Variants in IL2RB observed in about 807,000 individuals in gnomAD.
IL2RB encodes interleukin 2 receptor subunit beta, also known as interleukin-2 receptor subunit beta.
A neutral mutation model predicts 44.2 loss-of-function variants in IL2RB; 17 were observed. The ratio of observed to expected loss-of-function variants is 0.38; its 90% CI spans 0.26 to 0.58. The LOEUF is 0.58. IL2RB is among the 20% of genes least tolerant of loss of function. The pLI is 0.63. For missense variants in IL2RB, 624 were observed against 685.5 expected, an observed-to-expected ratio of 0.91 and a Z score of 1.00; for synonymous variants, 286 against 297.9, an observed-to-expected ratio of 0.96 and a Z score of 0.41.
intron 1 of IL2RB, among the ~76,000 whole-genome samples, chr22:37,162,186 C>T (rs569113902): frequency 1.3e-5 from 2 of 152,276 alleles, no homozygotes; most frequent in South Asian, 2.1e-4. Flanking sequence ...TGATGGCGAT[C>T]GAGTGAGAGG....
chr22:37,155,789 A>G (rs562865771), intron 1 of IL2RB, among the ~76,000 whole-genome samples: 2 of 151,992 alleles, frequency 1.3e-5, no homozygotes, highest in African/African-American at 2.4e-5. Flanking sequence ...CCTTGCTCCT[A>G]TAACTACTTC....
At chr22:37,160,480 G>C (rs930461048) in intron 1 of IL2RB, among the ~76,000 whole-genome samples, 1 of 152,194 alleles carries the variant, frequency 6.6e-6, no homozygotes, top group Non-Finnish European at 1.5e-5. Context: ...GTGGACAGGT[G>C]GGGACCATGG....
chr22:37,137,451 C>T, intron 6 of IL2RB, 136 bp downstream of exon 6: 1 of 849,754 alleles, frequency 1.2e-6, no homozygotes, highest in Non-Finnish European at 1.9e-6. Context: ...CCAGGCAGTG[C>T]AGAAAGAGCA....
Position 37,128,803 on chromosome 22 carries a change from C to T in IL2RB, c.949G>A (p.Gly317Ser), listed in dbSNP as rs143857582. Residue 317 changes from glycine to serine, a missense_variant, in exon 10 of 10, where the codon GGC becomes AGC. Coordinates refer to ENST00000216223, the MANE Select transcript of IL2RB (RefSeq NM_000878.5). The surrounding 1 kb of genome is among the most constrained non-coding windows in gnomAD (Gnocchi z 4.5). ...AGTGGCGAGATCTCAGGTGCCAGGC[C>T]GCCAGGGCTGAAGGACGATGAGGGG... ...PFPSSSFSPG[G>S]LAPEISPLEV... 1.6e-3 allele frequency: 2,620 copies of T among 1,612,564 alleles called. 3 individuals carry two copies. The highest frequency in any genetic ancestry group is 2.1e-3 in the Non-Finnish European group (2,430 of 1,178,736).
At chr22:37,167,595 G>A (rs1003759216) in intron 1 of IL2RB, among the ~76,000 whole-genome samples, 2 of 152,096 alleles carry the variant, frequency 1.3e-5, no homozygotes, top group South Asian at 2.1e-4. Flanking sequence ...CCCTGCCCAC[G>A]TTCTCTCTGC....
intron 6 of IL2RB, 75 bp from the exon 7 acceptor site, chr22:37,136,468 C>CA (rs897691398): frequency 2.4e-5 from 35 of 1,431,128 alleles, no homozygotes; most frequent in Non-Finnish European, 3.3e-5. Context: ...ATCACAGAAC[C>CA]CCCCCCCAAC....
intron 1 of IL2RB, among the ~76,000 whole-genome samples, chr22:37,148,765 C>T (rs1445553877): frequency 6.6e-6 from 1 of 152,140 alleles, no homozygotes; most frequent in Non-Finnish European, 1.5e-5. Flanking sequence ...CAACCTCTCA[C>T]CCAGGCGAGA....
At chr22:37,136,685 G>A (rs895609889) in intron 6 of IL2RB, among the ~76,000 whole-genome samples, 2 of 151,724 alleles carry the variant, frequency 1.3e-5, no homozygotes, top group Admixed American at 6.6e-5. Flanking sequence ...CTGAGCTGCC[G>A]CCCTCTCCCA....
chr22:37,159,541 T>C (rs189617398), intron 1 of IL2RB, among the ~76,000 whole-genome samples: 6 of 152,076 alleles, frequency 3.9e-5, no homozygotes, highest in Non-Finnish European at 8.8e-5. Flanking sequence ...CTACAACATA[T>C]ATAGAGAGAA....
At chr22:37,174,478 T>C (rs974526309) in intron 1 of IL2RB, among the ~76,000 whole-genome samples, 4 of 152,114 alleles carry the variant, frequency 2.6e-5, no homozygotes, top group African/African-American at 9.7e-5. Flanking sequence ...AGCACCACGC[T>C]CAGATCAGGC....
chr22:37,167,791 G>A (rs182555707), intron 1 of IL2RB, among the ~76,000 whole-genome samples: 51 of 152,372 alleles, frequency 3.3e-4, no homozygotes, highest in African/African-American at 1.2e-3. Flanking sequence ...GGCCACAGGT[G>A]AAGTGCATGG....
chr22:37,152,045 T>C (rs529789838), upstream of IL2RB, among the ~76,000 whole-genome samples: 7 of 152,352 alleles, frequency 4.6e-5, no homozygotes, highest in African/African-American at 1.7e-4. Flanking sequence ...TGGCTTTGGC[T>C]ACTCTGCATC....
chr22:37,146,381 C>G (rs192615755), intron 1 of IL2RB, among the ~76,000 whole-genome samples: 1 of 152,138 alleles, frequency 6.6e-6, no homozygotes, highest in Non-Finnish European at 1.5e-5. Context: ...GTCAGCCCAC[C>G]CTTCCAGACC....
chr22:37,139,136 G>T lies in IL2RB; in HGVS notation c.369C>A (p.Asp123Glu), dbSNP rs770365586. Residue 123 changes from aspartate to glutamate, a missense_variant, in exon 5 of 10, where the codon GAC becomes GAA. By Grantham distance (45) the Asp-to-Glu change is conservative. Transcript: ENST00000216223. The stretch of plus-strand genomic sequence containing the variant: ...ACTCACGGTTCTCAAAGGGCTTGAA[G>T]TCCTGGATGGCCATCACCCTCCATC... ...GVRWRVMAIQ[D>E]FKPFENLRLM... 2.5e-6 allele frequency: 4 copies of T among 1,612,892 alleles called. No individual in the cohort carries two copies. The highest frequency in any genetic ancestry group is 2.2e-5 in the East Asian group (1 of 44,882).
intron 1 of IL2RB, among the ~76,000 whole-genome samples, chr22:37,166,482 G>A (rs965538801): frequency 5.9e-5 from 9 of 152,176 alleles, no homozygotes; most frequent in South Asian, 2.1e-4. Flanking sequence ...CCGTTCCCGC[G>A]GTGGAGGGAG....
chr22:37,146,890 G>A (rs1287894730), intron 1 of IL2RB, among the ~76,000 whole-genome samples: 1 of 152,102 alleles, frequency 6.6e-6, no homozygotes, highest in Non-Finnish European at 1.5e-5. Flanking sequence ...CATGGAGCAG[G>A]GACACACACC....
At chr22:37,144,349 C>A in intron 1 of IL2RB, 144 bp from the exon 2 acceptor site, 1 of 971,162 alleles carries the variant, frequency 1.0e-6, no homozygotes, top group Middle Eastern at 3.3e-4. Flanking sequence ...GGCCTTTGCA[C>A]CTGCTAATCC....
chr22:37,172,226 A>AAAAAAAAC (rs1555899955), intron 1 of IL2RB, among the ~76,000 whole-genome samples: 8 of 151,572 alleles, frequency 5.3e-5, no homozygotes, highest in African/African-American at 2.0e-4. Flanking sequence ...AAAAAAAAAA[A>AAAAAAAAC]AAAAAAAAGT....
Position 37,128,437 on chromosome 22 carries a change from TG to T in IL2RB, c.1314del (p.Ser439AlafsTer93). On this transcript the variant is annotated frameshift_variant, in exon 10 of 10. Coordinates refer to ENST00000216223, the MANE Select transcript of IL2RB (RefSeq NM_000878.5). LOFTEE classifies it low-confidence loss of function (END_TRUNC). The surrounding 1 kb of genome is among the most constrained non-coding windows in gnomAD (Gnocchi z 4.5). ...LLFSPSLLGG[P>X]SPPSTAPGGS... ...CCCCCAGGGGCAGTGCTTGGGGGGC[TG>T]GGGCCACCGAGGAGACTGGGGGAGA... 6.5e-7 allele frequency: 1 copy of T among 1,541,422 alleles called. No homozygotes were observed. The highest frequency in any genetic ancestry group is 8.8e-7 in the Non-Finnish European group (1 of 1,142,156).
Sources: gnomAD v4.1 joint callset for allele counts (sites outside exome capture counted in the v4.1 genomes callset) on GRCh38, gnomAD v4.1.1 for gene constraint, Gnocchi (gnomAD v3.1) non-coding constraint, MANE v1.5 for transcripts, NCBI Gene and HGNC (gene_info 2026-07-23, HGNC 2026-07-21) for gene names.